The following EFTUD2 variants were observed in gnomAD, a reference collection of about 807,000 sequenced individuals.
The protein encoded by EFTUD2 is 116 kDa U5 small nuclear ribonucleoprotein component.
In EFTUD2, 9 loss-of-function variants were observed where a neutral mutation model predicts 114.3. That is an observed-to-expected ratio of 0.08 (90% CI 0.05 to 0.14). The LOEUF (loss-of-function observed/expected upper bound fraction) is 0.14. EFTUD2 is among the 10% of genes least tolerant of loss of function. EFTUD2 has a pLI of 1.00. For synonymous variants in EFTUD2, 449 were observed against 462.3 expected, an observed-to-expected ratio of 0.97 and a Z score of 0.37; for missense variants, 765 against 1,241.2, an observed-to-expected ratio of 0.62 and a Z score of 5.76.
At chr17:44,851,438 A>C (rs2050446033) in intron 27 of EFTUD2, 69 bp from the exon 28 acceptor site, 7 of 1,332,758 alleles carry the variant, frequency 5.3e-6, no homozygotes, top group Non-Finnish European at 6.4e-6. Context: ...ACTATCCAAG[A>C]CCTGTGTTCA....
Position 44,867,768 on chromosome 17 carries a change from A to G in EFTUD2, c.1149+39T>C, listed in dbSNP as rs565251155. On this transcript the variant is annotated intron_variant, in intron 13 of 27. Transcript: ENST00000426333. ...TCACCAGCTCTTCCACACTGTGCTT[A>G]TAAGAGCAGATCTGCCCAGTGTGAC... is the stretch of plus-strand genomic sequence containing the variant. 3.1e-5 allele frequency: 46 copies of G among 1,480,612 alleles called. No individual in the cohort carries two copies. The Admixed American group carries it at 4.7e-4, about 15-fold the overall frequency. 91.7% of individuals were successfully genotyped at this position (1,480,612 alleles called of 1,614,324 possible).
chr17:44,860,170 TGCTGAG>T, intron 17 of EFTUD2, 125 bp from the exon 18 acceptor site: 1 of 1,395,288 alleles, frequency 7.2e-7, no homozygotes, highest in Non-Finnish European at 9.9e-7. Context: ...AGGAGCCTGG[TGCTGAG>T]TGGGGGTAAC....
In EFTUD2 at chr17:44,876,420, T is replaced by TG. The variant is rs2050949991; in HGVS notation, c.703-321dup. Among the ~76,000 whole-genome samples, 3 of 152,310 alleles carry TG rather than the reference T, an allele frequency of 2.0e-5. No individual in the cohort carries two copies. The South Asian group carries it at 6.2e-4, about 32-fold the overall frequency. On this transcript the variant is annotated intron_variant, in intron 9 of 27. Transcript: ENST00000426333. ...ATGGAATTGGGGGTATTAGGATTAATGCATGATTTTTAATATATGTGTGTA... is the reference window on the plus strand; with the variant it reads ...ATGGAATTGGGGGTATTAGGATTAATGGCATGATTTTTAATATATGTGTGTA...
intron 1 of EFTUD2, among the ~76,000 whole-genome samples, chr17:44,898,821 T>A (rs1003426284): frequency 6.7e-6 from 1 of 149,016 alleles, no homozygotes; most frequent in Non-Finnish European, 1.5e-5. Context: ...CCAACTACAA[T>A]TGAAGCAAAG....
intron 20 of EFTUD2, 85 bp from the exon 21 acceptor site, chr17:44,855,089 G>C: frequency 8.0e-7 from 1 of 1,249,550 alleles, no homozygotes; most frequent in Non-Finnish European, 1.2e-6. Flanking sequence ...AAGACGGACA[G>C]CTGAGGAAGT....
chr17:44,850,038 T>A lies in EFTUD2; in HGVS notation c.*1236A>T. Reference sequence around the variant, plus strand: ...AAATCTTTCTCACTGAGCCTCAGTTTCCTGATGTGTAACATGACAATAACC... The same window carrying A: ...AAATCTTTCTCACTGAGCCTCAGTTACCTGATGTGTAACATGACAATAACC... On this transcript the variant is annotated 3_prime_UTR_variant, in exon 28 of 28. Transcript: ENST00000426333. 1 of 308,258 alleles carries A rather than the reference T, an allele frequency of 3.2e-6. No individual in the cohort carries two copies. The highest frequency in any genetic ancestry group is 7.2e-5 in the South Asian group (1 of 13,962). 19.1% of individuals were successfully genotyped at this position (308,258 alleles called of 1,614,324 possible).
chr17:44,896,649 A>G (rs564231625), intron 1 of EFTUD2, among the ~76,000 whole-genome samples: 1 of 152,320 alleles, frequency 6.6e-6, no homozygotes, highest in Non-Finnish European at 1.5e-5. Flanking sequence ...TCCGTCTCGA[A>G]AAAAATAAAC....
chr17:44,854,699 A>G lies in EFTUD2; in HGVS notation c.2133-17T>C. 1 of 1,608,908 alleles carries G rather than the reference A, an allele frequency of 6.2e-7. No homozygotes were observed. The highest frequency in any genetic ancestry group is 8.5e-7 in the Non-Finnish European group (1 of 1,176,576). Reference sequence around the variant, plus strand: ...AGCTTCTTCCTGGGGAAGGGAGGAGACAATGGAGCTGTCAGCCAGCTCTGT... The same window carrying G: ...AGCTTCTTCCTGGGGAAGGGAGGAGGCAATGGAGCTGTCAGCCAGCTCTGT... On this transcript the variant is annotated splice_polypyrimidine_tract_variant and intron_variant, in intron 21 of 27. Coordinates refer to ENST00000426333, the MANE Select transcript of EFTUD2 (RefSeq NM_004247.4). This position sits in a 1 kb window ranked among gnomAD's most constrained non-coding sequence, Gnocchi z 4.3.
At position 44,894,401 on chromosome 17, in the gene EFTUD2, A is replaced by C; in HGVS notation, c.105+16T>G. On this transcript the variant is annotated intron_variant, in intron 2 of 27. Transcript: ENST00000426333. ...ATAAATAAGAGTGAGATAAAAGAGC[A>C]ATATATTTGTTTTACCTCATCAAGA... 6.5e-7 allele frequency: 1 copy of C among 1,546,332 alleles called. No homozygotes were observed. The highest frequency in any genetic ancestry group is 8.9e-7 in the Non-Finnish European group (1 of 1,118,340).
Position 44,854,846 on chromosome 17 carries a change from C to G in EFTUD2, c.2132+72G>C. 6.3e-7 allele frequency: 1 copy of G among 1,575,974 alleles called. No individual in the cohort carries two copies. Among genetic ancestry groups the G allele is most frequent in the Non-Finnish European group, 8.7e-7 (1 of 1,146,476 alleles). On this transcript the variant is annotated intron_variant, in intron 21 of 27. Transcript: ENST00000426333. The surrounding 1 kb of genome is among the most constrained non-coding windows in gnomAD (Gnocchi z 4.3). ...AATGCTCCCCAGAAAGATGTGTGCTCTTAGAGACCCGGCAGTTAAACTGTG... is the reference window on the plus strand; with the variant it reads ...AATGCTCCCCAGAAAGATGTGTGCTGTTAGAGACCCGGCAGTTAAACTGTG...
Position 44,881,679 on chromosome 17 carries a change from A to G in EFTUD2, c.528+8T>C. The G allele has an allele frequency of 2.5e-6, 4 of 1,614,194 alleles. No homozygotes were observed. Among genetic ancestry groups the G allele is most frequent in the Non-Finnish European group, 3.4e-6 (4 of 1,180,016 alleles). ...AGGTGACAATCAGATTCCCCAAGGC[A>G]TGCTTACCTCTTGCTCTGTGAAGAG... On this transcript the variant is annotated splice_region_variant and intron_variant, in intron 7 of 27. Coordinates refer to ENST00000426333, the MANE Select transcript of EFTUD2 (RefSeq NM_004247.4).
chr17:44,855,650 T>C (rs2050536903), intron 20 of EFTUD2, among the ~76,000 whole-genome samples: 1 of 151,222 alleles, frequency 6.6e-6, no homozygotes, highest in African/African-American at 2.4e-5. Context: ...AGAGACCCCA[T>C]CTCTATAAAA....
intron 9 of EFTUD2, among the ~76,000 whole-genome samples, chr17:44,876,733 G>C (rs1355503194): frequency 6.6e-6 from 1 of 151,880 alleles, no homozygotes; most frequent in Admixed American, 6.6e-5. Flanking sequence ...GGCACCTGTA[G>C]TCCCAGCTAC....
chr17:44,891,758 C>T (rs2051283988), intron 2 of EFTUD2: 1 of 152,102 alleles, frequency 6.6e-6, no homozygotes, highest in Admixed American at 6.6e-5. Context: ...TTAGTATATT[C>T]ACAGAATTGT....
chr17:44,850,397 G>C lies in EFTUD2; in HGVS notation c.*877C>G. On this transcript the variant is annotated 3_prime_UTR_variant, in exon 28 of 28. Transcript: ENST00000426333. ...GGCACAGGATGCTGGAGAGAAGTAG[G>C]ACTCCTATAGGAGCCGGGGCTGTCC... is the stretch of plus-strand genomic sequence containing the variant. 1 of 1,610,836 alleles carries C rather than the reference G, an allele frequency of 6.2e-7. No homozygotes were observed. The highest frequency in any genetic ancestry group is 8.5e-7 in the Non-Finnish European group (1 of 1,177,764).
intron 16 of EFTUD2, among the ~76,000 whole-genome samples, 158 bp downstream of exon 16, chr17:44,862,555 G>C (rs996461889): frequency 6.6e-6 from 1 of 152,214 alleles, no homozygotes; most frequent in Non-Finnish European, 1.5e-5. Context: ...GGGACAGGAA[G>C]AACTTGAAGT....
intron 7 of EFTUD2, among the ~76,000 whole-genome samples, 192 bp from the exon 8 acceptor site, chr17:44,880,836 G>T (rs2145538029): frequency 6.6e-6 from 1 of 152,272 alleles, no homozygotes; most frequent in East Asian, 1.9e-4. Context: ...TGGGGGACTT[G>T]TTTCAAATGT....
intron 1 of EFTUD2, among the ~76,000 whole-genome samples, chr17:44,898,450 C>G (rs2051439895): frequency 6.6e-6 from 1 of 152,146 alleles, no homozygotes; most frequent in South Asian, 2.1e-4. Context: ...GAACTCCTGA[C>G]CTCAGGTGAT....
chr17:44,858,743 T>C (rs2050602567), intron 19 of EFTUD2, among the ~76,000 whole-genome samples: 1 of 152,070 alleles, frequency 6.6e-6, no homozygotes, highest in Admixed American at 6.6e-5. Context: ...ATGCCCGGCC[T>C]GGCTATTTTT....
Sources: gnomAD v4.1 joint callset for allele counts (sites outside exome capture counted in the v4.1 genomes callset) on GRCh38, gnomAD v4.1.1 for gene constraint, Gnocchi (gnomAD v3.1) non-coding constraint, MANE v1.5 for transcripts, NCBI Gene and HGNC (gene_info 2026-07-23, HGNC 2026-07-21) for gene names.